KIAA1671: variants seen among roughly 807,000 people sequenced by gnomAD.
KIAA1671 encodes uncharacterized protein KIAA1671.
KIAA1671 carries 52 observed loss-of-function variants against 131.2 expected under a neutral mutation model. That is an observed-to-expected ratio of 0.40 (90% CI 0.32 to 0.50). The LOEUF is 0.50. Ranked by LOEUF, KIAA1671 falls within the 20% of genes least tolerant of loss-of-function variation. The pLI, the probability that KIAA1671 is intolerant of heterozygous loss-of-function variation, is 0.73. For missense variants in KIAA1671, 2,360 were observed against 2,364.2 expected (o/e 1.00, Z 0.04); for synonymous variants, 1,003 against 961.6 (o/e 1.04, Z -0.80).
At chr22:25,135,271 C>T (rs185590165) in intron 6 of KIAA1671, among the ~76,000 whole-genome samples, 12 of 152,340 alleles carry the variant, frequency 7.9e-5, no homozygotes, top group African/African-American at 1.9e-4. Context: ...CTGCAAGCTC[C>T]GCCTCCTGGG....
At chr22:24,954,475 CAG>C (rs1262969710) in intron 1 of KIAA1671, among the ~76,000 whole-genome samples, 2 of 152,150 alleles carry the variant, frequency 1.3e-5, no homozygotes, top group African/African-American at 4.8e-5. Context: ...AAGAGAAGTG[CAG>C]AGTTTCAATG....
chr22:25,091,384 GTTGT>G lies in KIAA1671; in HGVS notation c.4530+42030_4530+42033del, dbSNP rs138580525. Among the ~76,000 whole-genome samples, 290 of 152,266 alleles carry G rather than the reference GTTGT, an allele frequency of 1.9e-3. 6 individuals are homozygous for G. The East Asian group carries it at 0.041, about 21-fold the overall frequency. On this transcript the variant is annotated intron_variant, in intron 6 of 12. Transcript: ENST00000358431. ...GGTCCATTCTATTTCAAGCAAAGGT[GTTGT>G]TTGTTTGTTGATGATGGTGATGATG...
At chr22:25,053,280 T>C in intron 6 of KIAA1671, 1 of 152,114 alleles carries the variant, frequency 6.6e-6, no homozygotes, top group South Asian at 2.1e-4. Flanking sequence ...GGACCTCGAG[T>C]CCACATGGCG....
chr22:25,157,442 T>C (rs1933281519), intron 6 of KIAA1671, among the ~76,000 whole-genome samples: 1 of 152,256 alleles, frequency 6.6e-6, no homozygotes. Flanking sequence ...AGTAAACTTA[T>C]GTCTGCCTCA....
intron 11 of KIAA1671, among the ~76,000 whole-genome samples, chr22:25,187,583 T>C (rs575949569): frequency 6.6e-6 from 1 of 152,258 alleles, no homozygotes; most frequent in Admixed American, 6.5e-5. Flanking sequence ...ATGGCATGAT[T>C]ATAGCCTCGA....
At position 24,952,920 on chromosome 22, in the gene KIAA1671, C is replaced by G. The variant is rs930102710; in HGVS notation, c.-208+148C>G. 1.3e-5 allele frequency: 2 copies of G among 152,176 alleles called. No individual in the cohort carries two copies. Among genetic ancestry groups the G allele is most frequent in the Non-Finnish European group, 2.9e-5 (2 of 68,030 alleles). The allele number at this position is 152,176 out of a possible 1,614,324, so 9.4% of individuals were successfully genotyped here. Reference sequence around the variant, plus strand: ...CCGGGAGAAAAGTTGGCAAAGTTGGCCGGGGAAGAGGCGGGGAGCCGGAGG... The same window carrying G: ...CCGGGAGAAAAGTTGGCAAAGTTGGGCGGGGAAGAGGCGGGGAGCCGGAGG... On this transcript the variant is annotated intron_variant, in intron 1 of 12. Transcript: ENST00000358431. The surrounding 1 kb of genome is among the most constrained non-coding windows in gnomAD (Gnocchi z 4.5).
In KIAA1671 at chr22:25,038,754, T is replaced by C; in HGVS notation, c.1630-6T>C. The C allele has an allele frequency of 6.6e-7, 1 of 1,520,296 alleles. No homozygotes were observed. Among genetic ancestry groups the C allele is most frequent in the East Asian group, 2.5e-5 (1 of 40,200 alleles). The allele number at this position is 1,520,296 out of a possible 1,614,324, so 94.2% of individuals were successfully genotyped here. ...GGTGTTTCTTTTTCTTTTTGTTTCT[T>C]TCCAGCAAAAGGAGGGGCACAGTTT... On this transcript the variant is annotated splice_polypyrimidine_tract_variant and splice_region_variant and intron_variant, in intron 4 of 12. Transcript: ENST00000358431.
intron 10 of KIAA1671, among the ~76,000 whole-genome samples, chr22:25,184,116 C>T (rs1415536328): frequency 1.3e-5 from 2 of 152,182 alleles, no homozygotes; most frequent in South Asian, 2.1e-4. Context: ...CAGTGCTAGG[C>T]GATTATTAAC....
intron 6 of KIAA1671, among the ~76,000 whole-genome samples, chr22:25,128,872 C>T (rs536445114): frequency 2.6e-5 from 4 of 152,300 alleles, no homozygotes; most frequent in Non-Finnish European, 4.4e-5. Flanking sequence ...GTTTGGATTC[C>T]GTCCTTGGCT....
At chr22:25,064,329 G>GGGATTA (rs3063215) in intron 6 of KIAA1671, 43,386 of 151,938 alleles carry the variant, frequency 0.29, 6,197 homozygotes, top group South Asian at 0.36. Flanking sequence ...CCAAAGTGCT[G>GGGATTA]GGATTACAGG....
chr22:25,035,673 T>C (rs1341131463), intron 4 of KIAA1671, among the ~76,000 whole-genome samples: 3 of 152,328 alleles, frequency 2.0e-5, no homozygotes, highest in South Asian at 4.1e-4. Context: ...AATGCTGTAG[T>C]GACAGCAGCA....
At chr22:25,141,097 G>A (rs1354978350) in intron 6 of KIAA1671, among the ~76,000 whole-genome samples, 1 of 152,136 alleles carries the variant, frequency 6.6e-6, no homozygotes, top group Admixed American at 6.5e-5. Context: ...CGTTAAACAT[G>A]TAATCACCCT....
chr22:25,105,754 C>T (rs1042315747), intron 6 of KIAA1671, among the ~76,000 whole-genome samples: 4 of 150,126 alleles, frequency 2.7e-5, no homozygotes, highest in Admixed American at 1.3e-4. Context: ...CTTTTCTGGG[C>T]GCTTGTCGCC....
intron 3 of KIAA1671, among the ~76,000 whole-genome samples, chr22:25,030,035 C>T (rs1926192235): frequency 1.3e-5 from 2 of 152,188 alleles, no homozygotes; most frequent in Non-Finnish European, 2.9e-5. Context: ...TACTGATATT[C>T]TACGTCATTT....
intron 1 of KIAA1671, among the ~76,000 whole-genome samples, chr22:25,016,888 A>G (rs1419990038): frequency 1.3e-5 from 2 of 152,228 alleles, no homozygotes; most frequent in African/African-American, 2.4e-5. Flanking sequence ...TTATTGAAGC[A>G]GCAGCATACA....
intron 1 of KIAA1671, among the ~76,000 whole-genome samples, chr22:25,004,414 T>C (rs78448725): frequency 0.017 from 2,646 of 152,000 alleles, 64 homozygotes; most frequent in African/African-American, 0.06. Flanking sequence ...CCAACTGAAA[T>C]GGGATCTTCA....
chr22:25,093,671 C>T (rs1298962561), intron 6 of KIAA1671, among the ~76,000 whole-genome samples: 2 of 141,966 alleles, frequency 1.4e-5, no homozygotes, highest in Non-Finnish European at 3.0e-5. Flanking sequence ...CCGGGATCTT[C>T]CCTGCCCCCC....
rs774712122 is a variant in KIAA1671 at position 25,040,823 on chromosome 22, G to A, written c.3693G>A (p.Thr1231=). Residue 1231 remains threonine (T), a synonymous_variant, in exon 5 of 13, where the codon ACG becomes ACA. Coordinates refer to ENST00000358431, the MANE Select transcript of KIAA1671 (RefSeq NM_001145206.2). ...GGAGTCCCACCGTGGAGCCCAGTAC[G>A]TTGCCTCGGGAGAGGCCTGTTCAGC... is the stretch of plus-strand genomic sequence containing the variant. ...ERRSPTVEPS[T]LPRERPVQLG... The A allele has an allele frequency of 3.2e-4, 504 of 1,551,478 alleles. No homozygotes were observed. Among genetic ancestry groups the A allele is most frequent in the Non-Finnish European group, 4.2e-4 (479 of 1,146,926 alleles).
chr22:24,995,459 C>T (rs1924083490), intron 1 of KIAA1671, among the ~76,000 whole-genome samples: 3 of 151,874 alleles, frequency 2.0e-5, no homozygotes, highest in South Asian at 2.1e-4. Context: ...CTGGCTCAAG[C>T]GATCCTCCTA....
Sources: gnomAD v4.1 joint callset for allele counts (sites outside exome capture counted in the v4.1 genomes callset) on GRCh38, gnomAD v4.1.1 for gene constraint, Gnocchi (gnomAD v3.1) non-coding constraint, MANE v1.5 for transcripts, NCBI Gene and HGNC (gene_info 2026-07-23, HGNC 2026-07-21) for gene names.